The following CDC73 variants were observed in gnomAD, a reference collection of about 807,000 sequenced individuals.
The protein encoded by CDC73 is parafibromin.
In CDC73, 21 loss-of-function variants were observed where a neutral mutation model predicts 83.7. The observed-to-expected ratio is 0.25, with a 90% CI of 0.18 to 0.36. The LOEUF (loss-of-function observed/expected upper bound fraction) is 0.36, where lower values mean the gene tolerates loss of function less well. Among genes scored for constraint, CDC73 ranks in the 10% least tolerant of loss-of-function variants. CDC73 has a pLI of 1.00. For synonymous variants in CDC73, 224 were observed against 212.9 expected (o/e 1.05, Z -0.45); for missense variants, 342 against 653.3 (o/e 0.52, Z 5.19).
intron 10 of CDC73, among the ~76,000 whole-genome samples, chr1:193,192,040 G>A (rs555618568): frequency 2.0e-4 from 31 of 152,102 alleles, no homozygotes; most frequent in South Asian, 4.2e-4. Context: ...GTAAAATATC[G>A]AAACTTAAAA....
chr1:193,144,335 A>G (rs1675957611), intron 7 of CDC73, among the ~76,000 whole-genome samples: 1 of 152,140 alleles, frequency 6.6e-6, no homozygotes, highest in African/African-American at 2.4e-5. Flanking sequence ...GGAGATCACT[A>G]GAAGGAAGAT....
chr1:193,180,823 T>C, intron 10 of CDC73: 1 of 1,614,110 alleles, frequency 6.2e-7, no homozygotes, highest in Non-Finnish European at 8.5e-7. Flanking sequence ...TTTCATAACA[T>C]ATGGAATATG....
intron 10 of CDC73, among the ~76,000 whole-genome samples, chr1:193,193,824 T>TGTGTGTGG (rs1329855092): frequency 7.0e-6 from 1 of 143,326 alleles, no homozygotes; most frequent in African/African-American, 2.6e-5. Flanking sequence ...TGTGTGTGTG[T>TGTGTGTGG]GTGTGTTGTG....
intron 2 of CDC73, 141 bp from the exon 3 acceptor site, chr1:193,130,033 C>A: frequency 1.6e-6 from 1 of 617,850 alleles, no homozygotes; most frequent in Non-Finnish European, 2.9e-6. Flanking sequence ...TTCTTTTAGC[C>A]TAGTCATTTT....
intron 2 of CDC73, among the ~76,000 whole-genome samples, chr1:193,126,233 A>G (rs1675570934): frequency 6.6e-6 from 1 of 152,254 alleles, no homozygotes; most frequent in African/African-American, 2.4e-5. Flanking sequence ...GATTAAGATT[A>G]GCAGACATTT....
intron 3 of CDC73, among the ~76,000 whole-genome samples, chr1:193,133,591 CAT>C (rs753613964): frequency 2.1e-4 from 32 of 152,080 alleles, no homozygotes; most frequent in Non-Finnish European, 2.9e-4. Context: ...GTGAATTTAA[CAT>C]ATGATTAAAG....
At chr1:193,170,617 A>G (rs1676503683) in intron 10 of CDC73, among the ~76,000 whole-genome samples, 1 of 151,972 alleles carries the variant, frequency 6.6e-6, no homozygotes. Context: ...CTACTTTTTA[A>G]TGATTTTTGT....
chr1:193,148,687 C>T (rs1409618457), intron 8 of CDC73, among the ~76,000 whole-genome samples: 8 of 139,978 alleles, frequency 5.7e-5, no homozygotes, highest in East Asian at 2.0e-4. Context: ...ACTCTGTTGC[C>T]CAGGCTGGAG....
intron 7 of CDC73, among the ~76,000 whole-genome samples, chr1:193,145,182 T>C (rs1470099158): frequency 1.3e-5 from 2 of 152,216 alleles, no homozygotes; most frequent in Non-Finnish European, 2.9e-5. Flanking sequence ...AGAAAGTTCA[T>C]TTAAAGTGCA....
At chr1:193,148,010 A>G in intron 8 of CDC73, 45 bp downstream of exon 8, 4 of 1,239,746 alleles carry the variant, frequency 3.2e-6, no homozygotes, top group Non-Finnish European at 4.8e-6. Context: ...TGAAGTTGCC[A>G]CTTATATTGC....
At chr1:193,141,785 A>G (rs1675910530) in intron 6 of CDC73, 65 bp from the exon 7 acceptor site, 1 of 1,055,004 alleles carries the variant, frequency 9.5e-7, no homozygotes, top group Admixed American at 2.0e-5. Context: ...AAATGTAACA[A>G]AATATATTTA....
At chr1:193,204,227 GTATATATACACGTATATATATGTGTA>G (rs1558309998) in intron 11 of CDC73, among the ~76,000 whole-genome samples, 14 of 12,290 alleles carry the variant, frequency 1.1e-3, no homozygotes, top group African/African-American at 3.7e-3. Flanking sequence ...GTATATATAT[GTATATATACACGTATATATATGTGTA>G]TGTGTGTGTG....
chr1:193,227,930 A>G (rs1677592304), intron 13 of CDC73, among the ~76,000 whole-genome samples: 1 of 152,160 alleles, frequency 6.6e-6, no homozygotes, highest in African/African-American at 2.4e-5. Context: ...CCTCTTTAAC[A>G]TCCTAAGTTG....
intron 10 of CDC73, among the ~76,000 whole-genome samples, chr1:193,154,133 T>C (rs1217754385): frequency 6.6e-6 from 1 of 152,242 alleles, no homozygotes. Flanking sequence ...ACTTGCCTAC[T>C]AATCATTTCC....
chr1:193,160,884 A>G (rs1558292573), intron 10 of CDC73, among the ~76,000 whole-genome samples: 3 of 152,064 alleles, frequency 2.0e-5, no homozygotes, highest in South Asian at 4.1e-4. Flanking sequence ...TCCATTGGCT[A>G]TTGCTGGCTG....
At chr1:193,208,869 C>T (rs543373957) in intron 11 of CDC73, among the ~76,000 whole-genome samples, 3 of 152,062 alleles carry the variant, frequency 2.0e-5, no homozygotes, top group African/African-American at 7.2e-5. Context: ...CTGAACTGTT[C>T]GCCTACTTGT....
chr1:193,125,485 C>G (rs1267738169), intron 2 of CDC73, among the ~76,000 whole-genome samples: 15 of 152,190 alleles, frequency 9.9e-5, no homozygotes, highest in Admixed American at 9.8e-4. Context: ...TGGTCTTGAA[C>G]TCCTACCCTC....
At chr1:193,232,698 C>T (rs955949713) in intron 13 of CDC73, among the ~76,000 whole-genome samples, 17 of 151,920 alleles carry the variant, frequency 1.1e-4, no homozygotes, top group South Asian at 4.2e-4. Context: ...GTCAGCAGTT[C>T]GAGACCAGCC....
At chr1:193,153,432 T>C (rs1572162249) in intron 10 of CDC73, among the ~76,000 whole-genome samples, 1 of 152,198 alleles carries the variant, frequency 6.6e-6, no homozygotes, top group African/African-American at 2.4e-5. Context: ...TAGAGTATAC[T>C]TAAGACACTA....
Sources: gnomAD v4.1 joint callset for allele counts (sites outside exome capture counted in the v4.1 genomes callset) on GRCh38, gnomAD v4.1.1 for gene constraint, MANE v1.5 for transcripts, NCBI Gene and HGNC (gene_info 2026-07-23, HGNC 2026-07-21) for gene names.